The following IL1RAPL1 variants were observed in gnomAD, a reference collection of about 807,000 sequenced individuals.
The protein encoded by IL1RAPL1 is interleukin-1 receptor accessory protein-like 1.
In IL1RAPL1, 3 loss-of-function variants were observed where a neutral mutation model predicts 48.4. That is an observed-to-expected ratio of 0.06 (90% CI 0.03 to 0.16). The LOEUF is 0.16. IL1RAPL1 is among the 10% of genes least tolerant of loss of function. The probability of loss-of-function intolerance (pLI) is 1.00; values close to 1 mark genes in which losing one functional copy is unlikely to be tolerated. For missense variants in IL1RAPL1, 349 were observed against 530.6 expected (o/e 0.66, Z 3.36); for synonymous variants, 185 against 187.7 (o/e 0.99, Z 0.12).
chrX:28,843,075 CT>C (rs1172617144), intron 2 of IL1RAPL1, among the ~76,000 whole-genome samples: 216 of 110,233 alleles, frequency 2.0e-3, no homozygotes, highest in African/African-American at 6.0e-3. Flanking sequence ...TAAAATTTCC[CT>C]TTTTTTCTGT....
At chrX:29,624,560 A>G (rs1458476808) in intron 5 of IL1RAPL1, among the ~76,000 whole-genome samples, 2 of 111,517 alleles carry the variant, frequency 1.8e-5, no homozygotes, top group Admixed American at 1.9e-4. Context: ...TTGGCTTGGC[A>G]TGGTGGCTCA....
At chrX:29,199,309 C>G (rs73460429) in intron 2 of IL1RAPL1, among the ~76,000 whole-genome samples, 4,716 of 110,544 alleles carry the variant, frequency 0.043, 239 homozygotes, top group African/African-American at 0.14. Flanking sequence ...AAGTGGTTTT[C>G]TTTGAATGAT....
At chrX:29,145,273 A>C (rs1929329415) in intron 2 of IL1RAPL1, among the ~76,000 whole-genome samples, 1 of 111,864 alleles carries the variant, frequency 8.9e-6, no homozygotes, top group Admixed American at 9.5e-5. Flanking sequence ...TGAGTGAAGA[A>C]AGTTGGATGA....
intron 1 of IL1RAPL1, among the ~76,000 whole-genome samples, chrX:28,634,008 AT>A (rs957241061): frequency 2.1e-4 from 22 of 107,011 alleles, no homozygotes; most frequent in South Asian, 4.0e-4. Flanking sequence ...ATATCATAGA[AT>A]TTTTTTTTTT....
chrX:29,707,671 G>A (rs1927237177), intron 6 of IL1RAPL1, among the ~76,000 whole-genome samples: 1 of 111,891 alleles, frequency 8.9e-6, no homozygotes, highest in Admixed American at 9.6e-5. Context: ...TATTCTAAGT[G>A]AAGTAACTCA....
At chrX:29,660,056 G>A (rs754896930) in intron 5 of IL1RAPL1, among the ~76,000 whole-genome samples, 1 of 111,032 alleles carries the variant, frequency 9.0e-6, no homozygotes, top group Non-Finnish European at 1.9e-5. Context: ...GAGAGACAGC[G>A]AAGGGGGAAG....
At chrX:29,125,466 A>G (rs1187221221) in intron 2 of IL1RAPL1, among the ~76,000 whole-genome samples, 2 of 112,200 alleles carry the variant, frequency 1.8e-5, no homozygotes, top group Admixed American at 9.5e-5. Context: ...GTTCATCATT[A>G]TTATATTACA....
At chrX:29,623,291 A>AAAAG (rs974909248) in intron 5 of IL1RAPL1, among the ~76,000 whole-genome samples, 35 of 110,000 alleles carry the variant, frequency 3.2e-4, no homozygotes, top group African/African-American at 8.6e-4. Flanking sequence ...CAAAAAAAAA[A>AAAAG]AAAGAAAGAA....
chrX:29,875,688 T>G (rs889251516), intron 6 of IL1RAPL1, among the ~76,000 whole-genome samples: 1 of 112,126 alleles, frequency 8.9e-6, no homozygotes, highest in Non-Finnish European at 1.9e-5. Flanking sequence ...TTTCCATCCC[T>G]GACTCAGAAT....
At chrX:29,161,493 C>T (rs375521607) in intron 2 of IL1RAPL1, among the ~76,000 whole-genome samples, 3 of 112,083 alleles carry the variant, frequency 2.7e-5, no homozygotes, top group Non-Finnish European at 5.6e-5. Context: ...AACGAACCCA[C>T]TTGAACTTTC....
At chrX:29,498,668 A>G (rs1260966392) in intron 5 of IL1RAPL1, among the ~76,000 whole-genome samples, 4 of 111,422 alleles carry the variant, frequency 3.6e-5, no homozygotes, top group South Asian at 3.7e-4. Flanking sequence ...GCACACAAAT[A>G]TTGAATATGT....
chrX:29,432,274 G>GT (rs1419392628), intron 5 of IL1RAPL1, among the ~76,000 whole-genome samples: 2 of 111,391 alleles, frequency 1.8e-5, no homozygotes, highest in Non-Finnish European at 3.8e-5. Flanking sequence ...CCTTTAAGGT[G>GT]TAAATCTTCT....
intron 2 of IL1RAPL1, among the ~76,000 whole-genome samples, chrX:29,169,857 A>G (rs1164378354): frequency 9.0e-6 from 1 of 111,237 alleles, no homozygotes; most frequent in Non-Finnish European, 1.9e-5. Flanking sequence ...TATGTGGTTC[A>G]TGGAAAAATC....
chrX:29,803,073 A>G (rs775276321), intron 6 of IL1RAPL1, among the ~76,000 whole-genome samples: 9 of 86,516 alleles, frequency 1.0e-4, no homozygotes, highest in African/African-American at 3.2e-4. Context: ...GTATGCATGT[A>G]TACATATATG....
At chrX:29,699,072 A>G (rs5972708) in intron 6 of IL1RAPL1, among the ~76,000 whole-genome samples, 2,675 of 112,439 alleles carry the variant, frequency 0.024, 90 homozygotes, top group African/African-American at 0.083. Context: ...CTTTTTAAAA[A>G]TTAATTCATC....
chrX:29,028,947 G>A (rs1046579880), intron 2 of IL1RAPL1, among the ~76,000 whole-genome samples: 5 of 110,965 alleles, frequency 4.5e-5, no homozygotes, highest in African/African-American at 3.3e-5. Flanking sequence ...GCCCAAGGCC[G>A]AGTAATTTAT....
At chrX:29,027,579 G>C (rs1926513638) in intron 2 of IL1RAPL1, among the ~76,000 whole-genome samples, 1 of 111,710 alleles carries the variant, frequency 9.0e-6, no homozygotes, top group African/African-American at 3.3e-5. Context: ...GGATTGCATG[G>C]TAAGAGTATA....
At chrX:29,754,510 T>C (rs1368160928) in intron 6 of IL1RAPL1, among the ~76,000 whole-genome samples, 1 of 111,989 alleles carries the variant, frequency 8.9e-6, no homozygotes, top group Non-Finnish European at 1.9e-5. Context: ...TAATCCAGCT[T>C]CCCAAGTGTG....
intron 6 of IL1RAPL1, among the ~76,000 whole-genome samples, chrX:29,717,712 A>G (rs1212123885): frequency 3.6e-5 from 4 of 112,129 alleles, no homozygotes; most frequent in African/African-American, 9.7e-5. Flanking sequence ...CTGCCATGGC[A>G]TGGTTGAGAA....
Sources: gnomAD v4.1 joint callset for allele counts (sites outside exome capture counted in the v4.1 genomes callset) on GRCh38, gnomAD v4.1.1 for gene constraint, MANE v1.5 for transcripts, NCBI Gene and HGNC (gene_info 2026-07-23, HGNC 2026-07-21) for gene names.